Variants in SGCZ observed in about 807,000 individuals in gnomAD.
SGCZ encodes zeta-sarcoglycan.
Under a neutral mutation model 41.3 loss-of-function variants are expected in SGCZ, and 40 were observed. The observed-to-expected ratio is 0.97, with a 90% CI of 0.75 to 1.26. SGCZ has a LOEUF of 1.26. Among genes scored for constraint, SGCZ ranks in the 50% most tolerant of loss-of-function variants. The pLI is 0.00. For synonymous variants in SGCZ, 206 were observed against 137.5 expected (o/e 1.50, Z -3.49); for missense variants, 552 against 369.8 (o/e 1.49, Z -4.04).
chr8:15,029,518 G>C (rs546054345), intron 1 of SGCZ, among the ~76,000 whole-genome samples: 2 of 151,982 alleles, frequency 1.3e-5, no homozygotes, highest in Non-Finnish European at 2.9e-5. Context: ...ATTTTGAAAC[G>C]ATTTCCCAGT....
intron 2 of SGCZ, among the ~76,000 whole-genome samples, chr8:14,504,817 A>G (rs1339535407): frequency 6.6e-6 from 1 of 152,150 alleles, no homozygotes; most frequent in Admixed American, 6.6e-5. Context: ...TATATCACTC[A>G]GGGCTGTCTT....
intron 1 of SGCZ, among the ~76,000 whole-genome samples, chr8:15,110,264 G>A (rs1411254319): frequency 6.6e-6 from 1 of 152,108 alleles, no homozygotes; most frequent in Non-Finnish European, 1.5e-5. Flanking sequence ...CTCCACCATT[G>A]CATCAAAAAG....
At chr8:14,979,293 A>C (rs1162632940) in intron 1 of SGCZ, among the ~76,000 whole-genome samples, 1 of 152,186 alleles carries the variant, frequency 6.6e-6, no homozygotes, top group Non-Finnish European at 1.5e-5. Flanking sequence ...ATACTCACAA[A>C]TTTCATCCCA....
chr8:14,337,897 G>T (rs949046445), intron 2 of SGCZ, among the ~76,000 whole-genome samples: 1 of 152,146 alleles, frequency 6.6e-6, no homozygotes, highest in African/African-American at 2.4e-5. Flanking sequence ...GAAGCCGGAT[G>T]AACAGAATTA....
chr8:14,851,947 G>T (rs936626951), intron 1 of SGCZ, among the ~76,000 whole-genome samples: 1 of 151,974 alleles, frequency 6.6e-6, no homozygotes, highest in Non-Finnish European at 1.5e-5. Context: ...CAGAAGAAGT[G>T]TATTTGACAT....
chr8:14,323,589 G>C (rs1802001365), intron 3 of SGCZ, among the ~76,000 whole-genome samples: 1 of 152,048 alleles, frequency 6.6e-6, no homozygotes. Flanking sequence ...AACACAGGTA[G>C]CACATGTGAA....
intron 1 of SGCZ, among the ~76,000 whole-genome samples, chr8:15,177,189 G>C (rs1270356576): frequency 1.3e-5 from 2 of 152,112 alleles, no homozygotes; most frequent in Non-Finnish European, 2.9e-5. Context: ...CAAATGAAAA[G>C]ACAGAATAGC....
intron 5 of SGCZ, among the ~76,000 whole-genome samples, chr8:14,136,444 C>A (rs922813061): frequency 2.6e-5 from 4 of 152,120 alleles, no homozygotes; most frequent in Non-Finnish European, 5.9e-5. Flanking sequence ...GACACTCCTG[C>A]CCTAATACTG....
At chr8:14,262,701 T>C (rs1799716168) in intron 3 of SGCZ, among the ~76,000 whole-genome samples, 1 of 151,022 alleles carries the variant, frequency 6.6e-6, no homozygotes, top group African/African-American at 2.4e-5. Context: ...CTTGAATAAA[T>C]AATACAAAAA....
chr8:14,704,909 G>C (rs1334974872), intron 1 of SGCZ, among the ~76,000 whole-genome samples: 1 of 151,862 alleles, frequency 6.6e-6, no homozygotes, highest in Non-Finnish European at 1.5e-5. Context: ...TATAAGAATC[G>C]ATGCAACTAT....
Position 14,087,351 on chromosome 8 carries a change from A to G in SGCZ, c.*3092T>C, listed in dbSNP as rs1372526609. Among the ~76,000 whole-genome samples the G allele has an allele frequency of 6.6e-6, 1 of 151,644 alleles. No individual in the cohort carries two copies. Among genetic ancestry groups the G allele is most frequent in the Admixed American group, 6.6e-5 (1 of 15,178 alleles). ...TTGAAATCTTCTGAAAAAGAAAAGAATAATGTGTCCTCTTTGCATCTTTCC... is the reference window on the plus strand; with the variant it reads ...TTGAAATCTTCTGAAAAAGAAAAGAGTAATGTGTCCTCTTTGCATCTTTCC... On this transcript the variant is annotated 3_prime_UTR_variant, in exon 8 of 8. Coordinates refer to ENST00000382080, the MANE Select transcript of SGCZ (RefSeq NM_139167.4).
At chr8:14,887,914 A>C (rs1219446825) in intron 1 of SGCZ, among the ~76,000 whole-genome samples, 3 of 152,132 alleles carry the variant, frequency 2.0e-5, no homozygotes, top group East Asian at 3.9e-4. Context: ...TGTTTACCAG[A>C]AACTGGGATC....
intron 1 of SGCZ, among the ~76,000 whole-genome samples, chr8:15,154,267 G>T (rs1799263194): frequency 6.6e-6 from 1 of 152,164 alleles, no homozygotes; most frequent in Admixed American, 6.5e-5. Flanking sequence ...AAACAACAAG[G>T]ATATATTTCT....
intron 1 of SGCZ, among the ~76,000 whole-genome samples, chr8:14,615,406 T>C (rs1806068104): frequency 6.6e-6 from 1 of 152,228 alleles, no homozygotes; most frequent in South Asian, 2.1e-4. Context: ...AGCTCACTGC[T>C]CTCACTGCTG....
intron 1 of SGCZ, among the ~76,000 whole-genome samples, chr8:14,949,213 C>T (rs73517371): frequency 0.027 from 4,066 of 152,094 alleles, 176 homozygotes; most frequent in African/African-American, 0.092. Flanking sequence ...CTTTAAACTA[C>T]GAGATGGTAG....
At chr8:14,768,963 T>C (rs1268401716) in intron 1 of SGCZ, among the ~76,000 whole-genome samples, 1 of 152,110 alleles carries the variant, frequency 6.6e-6, no homozygotes, top group East Asian at 1.9e-4. Flanking sequence ...TGATCATTAT[T>C]GTATTCATAT....
chr8:14,989,432 G>T (rs989236512), intron 1 of SGCZ, among the ~76,000 whole-genome samples: 1 of 152,036 alleles, frequency 6.6e-6, no homozygotes, highest in African/African-American at 2.4e-5. Flanking sequence ...GCTGCAGTGA[G>T]CTACGATCAC....
At chr8:14,901,867 T>C (rs1798982794) in intron 1 of SGCZ, among the ~76,000 whole-genome samples, 1 of 152,042 alleles carries the variant, frequency 6.6e-6, no homozygotes, top group African/African-American at 2.4e-5. Context: ...ATATCCTACA[T>C]ACATAAGTAA....
intron 4 of SGCZ, among the ~76,000 whole-genome samples, chr8:14,167,117 A>T (rs530078406): frequency 2.0e-5 from 3 of 152,304 alleles, no homozygotes; most frequent in Admixed American, 2.0e-4. Flanking sequence ...TCTTTCCTGC[A>T]AATGGAAAAT....
Sources: allele counts gnomAD v4.1 joint callset (sites outside exome capture counted in the v4.1 genomes callset), GRCh38; gene constraint gnomAD v4.1.1; transcripts MANE v1.5; gene names NCBI Gene and HGNC (gene_info 2026-07-23, HGNC 2026-07-21).